C12orf50: variants seen among roughly 807,000 people sequenced by gnomAD.
C12orf50 encodes zinc finger CCCH-type containing 11D, also known as uncharacterized protein C12orf50.
A neutral mutation model predicts 61.6 loss-of-function variants in C12orf50; 35 were observed. The observed-to-expected ratio is 0.57, with a 90% CI of 0.43 to 0.75. The LOEUF is 0.75. Ranked by LOEUF, C12orf50 falls within the 30% of genes least tolerant of loss-of-function variation. The probability of loss-of-function intolerance (pLI) is 0.00; values close to 1 mark genes in which losing one functional copy is unlikely to be tolerated. For synonymous variants in C12orf50, 178 were observed against 161.5 expected, an observed-to-expected ratio of 1.10 and a Z score of -0.77; for missense variants, 475 against 488.5, an observed-to-expected ratio of 0.97 and a Z score of 0.26.
chr12:87,996,329 G>A (rs1157902339), intron 6 of C12orf50, 45 bp downstream of exon 6: 1 of 1,265,640 alleles, frequency 7.9e-7, no homozygotes, highest in Non-Finnish European at 1.2e-6. Context: ...ATCACACCAA[G>A]TATATGTTAT....
At chr12:88,004,375 T>C (rs1399926045) in intron 3 of C12orf50, among the ~76,000 whole-genome samples, 1 of 152,136 alleles carries the variant, frequency 6.6e-6, no homozygotes, top group Non-Finnish European at 1.5e-5. Flanking sequence ...AGAATGGCTA[T>C]TATTAAAAAG....
intron 3 of C12orf50, among the ~76,000 whole-genome samples, chr12:88,007,953 T>A (rs1456119104): frequency 1.3e-5 from 2 of 152,002 alleles, no homozygotes; most frequent in Non-Finnish European, 2.9e-5. Context: ...AAATTTAAAT[T>A]TATATATATT....
chr12:87,987,582 A>G (rs2030889698), intron 9 of C12orf50, among the ~76,000 whole-genome samples: 2 of 152,184 alleles, frequency 1.3e-5, no homozygotes, highest in Admixed American at 1.3e-4. Context: ...TTAAAAGGTT[A>G]TGCTAGTGAA....
intron 3 of C12orf50, among the ~76,000 whole-genome samples, chr12:88,016,964 T>C (rs923032642): frequency 6.6e-6 from 1 of 152,188 alleles, no homozygotes; most frequent in Non-Finnish European, 1.5e-5. Context: ...ATGTAAAACA[T>C]ATTTTAGCAA....
chr12:87,982,862 G>A (rs967683626), intron 12 of C12orf50, among the ~76,000 whole-genome samples: 2 of 150,608 alleles, frequency 1.3e-5, no homozygotes, highest in African/African-American at 4.9e-5. Flanking sequence ...TTATTGTCCA[G>A]GAAAGAACTG....
intron 3 of C12orf50, among the ~76,000 whole-genome samples, chr12:88,001,450 T>C (rs2031650432): frequency 6.6e-6 from 1 of 151,542 alleles, no homozygotes; most frequent in African/African-American, 2.4e-5. Flanking sequence ...GTGTCTATAT[T>C]CATAGGAAAA....
intron 3 of C12orf50, among the ~76,000 whole-genome samples, chr12:88,010,349 A>G (rs905275212): frequency 6.0e-5 from 9 of 150,868 alleles, no homozygotes; most frequent in Admixed American, 2.0e-4. Context: ...AATTGAGATT[A>G]TTATTCTTGT....
intron 7 of C12orf50, among the ~76,000 whole-genome samples, chr12:87,994,155 G>GC (rs747755791): frequency 7.2e-5 from 11 of 151,778 alleles, no homozygotes; most frequent in Non-Finnish European, 1.5e-4. Context: ...AGCCGAGATC[G>GC]CACCACTGCA....
At chr12:88,019,924 C>T (rs1321604847) in intron 3 of C12orf50, among the ~76,000 whole-genome samples, 2 of 152,122 alleles carry the variant, frequency 1.3e-5, no homozygotes, top group Admixed American at 1.3e-4. Context: ...CCAAGAATAT[C>T]ACATCCAGGC....
chr12:87,994,718 T>C lies in C12orf50; in HGVS notation c.507A>G (p.Lys169=). The C allele has an allele frequency of 6.2e-7, 1 of 1,612,880 alleles. No homozygotes were observed. Among genetic ancestry groups the C allele is most frequent in the Non-Finnish European group, 8.5e-7 (1 of 1,179,160 alleles). ...QEGDSLTVPT[K]LSQYERQGEI... ...CACCTTGCCTTTCATATTGGCTAAGTTTTGTCGGAACTGTAAGACTATCTC... is the reference window on the plus strand; with the variant it reads ...CACCTTGCCTTTCATATTGGCTAAGCTTTGTCGGAACTGTAAGACTATCTC... Residue 169 remains lysine (K), a synonymous_variant, in exon 7 of 13, where the codon AAA becomes AAG. Coordinates refer to ENST00000298699, the MANE Select transcript of C12orf50 (RefSeq NM_152589.3).
intron 3 of C12orf50, among the ~76,000 whole-genome samples, chr12:88,012,894 T>C (rs1157206832): frequency 6.6e-6 from 1 of 151,958 alleles, no homozygotes; most frequent in African/African-American, 2.4e-5. Flanking sequence ...TGAGATACCA[T>C]CTCTACCAAA....
At chr12:87,986,220 T>A in intron 10 of C12orf50, 92 bp downstream of exon 10, 2 of 1,223,172 alleles carry the variant, frequency 1.6e-6, no homozygotes, top group Non-Finnish European at 2.3e-6. Flanking sequence ...TTACGTCACA[T>A]GACAGTAATT....
At chr12:87,994,879 C>A (rs1324076157) in intron 6 of C12orf50, 136 bp from the exon 7 acceptor site, 5 of 581,032 alleles carry the variant, frequency 8.6e-6, no homozygotes, top group Non-Finnish European at 1.2e-5. Context: ...ATCTGATAAA[C>A]AATAAATTAA....
At chr12:88,005,845 G>T (rs1421556061) in intron 3 of C12orf50, among the ~76,000 whole-genome samples, 1 of 151,464 alleles carries the variant, frequency 6.6e-6, no homozygotes, top group Non-Finnish European at 1.5e-5. Context: ...GGAAGGCCAG[G>T]AGCTGTTAAT....
rs2030390245 is a variant in C12orf50 at position 87,980,273 on chromosome 12, G to A, written c.*58C>T. ...ATTCTTTGAATTTTCATTTTTGATT[G>A]TAAATCAGATGATGTCTGGCAATTT... On this transcript the variant is annotated 3_prime_UTR_variant, in exon 13 of 13. Transcript: ENST00000298699. 3 of 1,512,224 alleles carry A rather than the reference G, an allele frequency of 2.0e-6. No homozygotes were observed. Among genetic ancestry groups the A allele is most frequent in the Non-Finnish European group, 1.8e-6 (2 of 1,093,384 alleles). 93.7% of individuals were successfully genotyped at this position (1,512,224 alleles called of 1,614,324 possible).
chr12:88,000,609 T>C (rs947933814), intron 3 of C12orf50, among the ~76,000 whole-genome samples: 1 of 151,986 alleles, frequency 6.6e-6, no homozygotes, highest in African/African-American at 2.4e-5. Flanking sequence ...AAATTCTACA[T>C]TAAACCTGTG....
At chr12:88,014,409 C>G (rs1250997291) in intron 3 of C12orf50, among the ~76,000 whole-genome samples, 1 of 152,156 alleles carries the variant, frequency 6.6e-6, no homozygotes, top group Non-Finnish European at 1.5e-5. Flanking sequence ...TCATGCCATT[C>G]TCCTGCCTCA....
Position 87,983,122 on chromosome 12 carries a change from T to G in C12orf50, c.1200A>C (p.Lys400Asn). ...AGTTACCTGGATATATCTTTTCACT[T>G]TTTGAATATGTTTTTGAAAAAGGAA... is the stretch of plus-strand genomic sequence containing the variant. ...KRIPFSKTYSKSEKIYPEPRR... is the reference protein window; with the variant it reads ...KRIPFSKTYSNSEKIYPEPRR... Residue 400 changes from lysine to asparagine, a missense_variant, in exon 12 of 13, where the codon AAA becomes AAC. By Grantham distance (94) the Lys-to-Asn change is moderately conservative (BLOSUM62 0). Coordinates refer to ENST00000298699, the MANE Select transcript of C12orf50 (RefSeq NM_152589.3). 6.3e-7 allele frequency: 1 copy of G among 1,591,958 alleles called. No homozygotes were observed. The highest frequency in any genetic ancestry group is 8.6e-7 in the Non-Finnish European group (1 of 1,162,058).
intron 4 of C12orf50, 148 bp downstream of exon 4, chr12:87,997,887 G>A: frequency 1.6e-6 from 1 of 633,848 alleles, no homozygotes; most frequent in Non-Finnish European, 2.5e-6. Flanking sequence ...AGAACATAAT[G>A]AATTAAATTA....
Sources: allele counts gnomAD v4.1 joint callset (sites outside exome capture counted in the v4.1 genomes callset), GRCh38; gene constraint gnomAD v4.1.1; transcripts MANE v1.5; gene names NCBI Gene and HGNC (gene_info 2026-07-23, HGNC 2026-07-21).